DENND6A: variants seen among roughly 807,000 people sequenced by gnomAD.
The protein encoded by DENND6A is DENN domain containing 6A.
In DENND6A, 43 loss-of-function variants were observed where a neutral mutation model predicts 95.5. The ratio of observed to expected loss-of-function variants is 0.45; its 90% CI spans 0.35 to 0.58. The LOEUF (loss-of-function observed/expected upper bound fraction) is 0.58, where lower values mean the gene tolerates loss of function less well. Among genes scored for constraint, DENND6A ranks in the 20% least tolerant of loss-of-function variants. The probability of loss-of-function intolerance (pLI) is 0.00; values close to 1 mark genes in which losing one functional copy is unlikely to be tolerated. For synonymous variants in DENND6A, 257 were observed against 260.4 expected, an observed-to-expected ratio of 0.99 and a Z score of 0.13; for missense variants, 574 against 736.0, an observed-to-expected ratio of 0.78 and a Z score of 2.55.
At chr3:57,668,603 T>TA (rs975006855) in intron 3 of DENND6A, among the ~76,000 whole-genome samples, 2 of 151,988 alleles carry the variant, frequency 1.3e-5, no homozygotes, top group African/African-American at 4.8e-5. Context: ...AACTGAAACC[T>TA]AAAAAACCAA....
At chr3:57,643,735 G>A (rs983521686) in intron 11 of DENND6A, among the ~76,000 whole-genome samples, 23 of 151,272 alleles carry the variant, frequency 1.5e-4, no homozygotes, top group African/African-American at 5.6e-4. Flanking sequence ...GCTGAGGTAG[G>A]AGAATCACTT....
At chr3:57,628,455 CT>C in intron 19 of DENND6A, 110 bp from the exon 20 acceptor site, 1 of 1,391,618 alleles carries the variant, frequency 7.2e-7, no homozygotes, top group Non-Finnish European at 9.5e-7. Context: ...TACTTTCAGT[CT>C]TAGACCAGAA....
chr3:57,631,497 C>T (rs954106019), intron 15 of DENND6A, among the ~76,000 whole-genome samples: 1 of 151,422 alleles, frequency 6.6e-6, no homozygotes. Context: ...CCCAACAACG[C>T]GGTCCATTTT....
At chr3:57,643,889 C>G (rs2071006415) in intron 11 of DENND6A, among the ~76,000 whole-genome samples, 1 of 151,550 alleles carries the variant, frequency 6.6e-6, no homozygotes, top group African/African-American at 2.4e-5. Flanking sequence ...GTGGCTCATG[C>G]CTGTAATCCC....
Position 57,680,661 on chromosome 3 carries a change from A to G in DENND6A, c.238-8223T>C, listed in dbSNP as rs1575865656. ...TAAGACACAATTAATATAACTAATAAGGGTCTAGTATATAAAATACATAAA... is the reference window on the plus strand; with the variant it reads ...TAAGACACAATTAATATAACTAATAGGGGTCTAGTATATAAAATACATAAA... On this transcript the variant is annotated intron_variant, in intron 1 of 19. Transcript: ENST00000311128. Among the ~76,000 whole-genome samples, 4 of 152,362 alleles carry G rather than the reference A, an allele frequency of 2.6e-5. No homozygotes were observed. The East Asian group carries it at 7.7e-4, about 29-fold the overall frequency.
intron 1 of DENND6A, chr3:57,679,564 T>C (rs1204940351): frequency 1.5e-5 from 15 of 985,326 alleles, no homozygotes; most frequent in Non-Finnish European, 1.7e-5. Flanking sequence ...GGATGGAAAG[T>C]ACAGTACTGG....
At chr3:57,663,756 C>T (rs1559822287) in intron 4 of DENND6A, 40 bp from the exon 5 acceptor site, 15 of 1,249,610 alleles carry the variant, frequency 1.2e-5, no homozygotes, top group African/African-American at 1.5e-5. Flanking sequence ...TGGGGGGGTA[C>T]ATATATATGT....
chr3:57,666,094 G>T, intron 4 of DENND6A, 29 bp downstream of exon 4: 1 of 1,572,978 alleles, frequency 6.4e-7, no homozygotes, highest in Non-Finnish European at 8.7e-7. Context: ...CCTCTCACAT[G>T]GACATTTTCC....
Position 57,633,363 on chromosome 3 carries a change from A to G in DENND6A, c.1264-9T>C, listed in dbSNP as rs370498280. On this transcript the variant is annotated splice_polypyrimidine_tract_variant and intron_variant, in intron 14 of 19. Coordinates refer to ENST00000311128, the MANE Select transcript of DENND6A (RefSeq NM_152678.3). The stretch of plus-strand genomic sequence containing the variant: ...CGTTTCTGTTGTACACCCTTAAAAG[A>G]GGAAATAATGAGAATCTGTATTCTA... 9 of 1,602,044 alleles carry G rather than the reference A, an allele frequency of 5.6e-6. No homozygotes were observed. Among genetic ancestry groups the G allele is most frequent in the Non-Finnish European group, 7.7e-6 (9 of 1,172,070 alleles).
intron 3 of DENND6A, among the ~76,000 whole-genome samples, chr3:57,671,689 T>C (rs2071620798): frequency 6.6e-6 from 1 of 152,178 alleles, no homozygotes; most frequent in African/African-American, 2.4e-5. Flanking sequence ...CTGAAGGATG[T>C]CAACGATTAG....
chr3:57,661,697 C>A, intron 5 of DENND6A, 146 bp from the exon 6 acceptor site: 2 of 615,910 alleles, frequency 3.2e-6, no homozygotes, highest in Non-Finnish European at 5.4e-6. Context: ...GGAAACAAAA[C>A]CATAGCTGCA....
intron 11 of DENND6A, among the ~76,000 whole-genome samples, chr3:57,644,683 AGGGAAGGGAG>A (rs1559810877): frequency 2.0e-5 from 2 of 100,170 alleles, no homozygotes; most frequent in Admixed American, 2.2e-4. Context: ...CCTGGGCAAC[AGGGAAGGGAG>A]GGGAGGGGAG....
At chr3:57,641,590 A>C (rs933753256) in intron 12 of DENND6A, 63 bp downstream of exon 12, 18 of 1,377,774 alleles carry the variant, frequency 1.3e-5, no homozygotes, top group African/African-American at 1.2e-4. Context: ...TCAAGGATGA[A>C]AAGAAAGAAA....
intron 3 of DENND6A, among the ~76,000 whole-genome samples, chr3:57,671,147 T>C (rs1259377528): frequency 6.6e-6 from 1 of 152,156 alleles, no homozygotes; most frequent in East Asian, 1.9e-4. Flanking sequence ...GAAGCATTTA[T>C]ACAGAAAGGA....
intron 5 of DENND6A, among the ~76,000 whole-genome samples, chr3:57,663,302 T>C (rs1477718448): frequency 6.7e-6 from 1 of 150,292 alleles, no homozygotes; most frequent in Non-Finnish European, 1.5e-5. Context: ...CCGTCTCTAC[T>C]AAAAATACAA....
chr3:57,682,281 CAAAAAAAAAAA>C (rs10618015), intron 1 of DENND6A, among the ~76,000 whole-genome samples: 8 of 53,564 alleles, frequency 1.5e-4, no homozygotes, highest in African/African-American at 6.6e-4. Context: ...GACTCCGTCT[CAAAAAAAAAAA>C]AAAAAAAAAA....
intron 1 of DENND6A, among the ~76,000 whole-genome samples, chr3:57,674,677 G>C (rs1202593639): frequency 6.6e-6 from 1 of 152,024 alleles, no homozygotes; most frequent in Non-Finnish European, 1.5e-5. Context: ...TAAATAACTA[G>C]TTCTGCAGCA....
chr3:57,669,952 G>A (rs544706154), intron 3 of DENND6A, among the ~76,000 whole-genome samples: 32 of 149,454 alleles, frequency 2.1e-4, no homozygotes, highest in African/African-American at 5.7e-4. Flanking sequence ...ACTGGGAGGC[G>A]GAGGTTGCAG....
chr3:57,663,812 G>T (rs1336862373), intron 4 of DENND6A, 96 bp from the exon 5 acceptor site: 3 of 665,078 alleles, frequency 4.5e-6, no homozygotes, highest in South Asian at 7.5e-5. Context: ...TTAACATCAG[G>T]CTCCTTTATA....
Sources: allele counts gnomAD v4.1 joint callset (sites outside exome capture counted in the v4.1 genomes callset), GRCh38; gene constraint gnomAD v4.1.1; transcripts MANE v1.5; gene names NCBI Gene and HGNC (gene_info 2026-07-23, HGNC 2026-07-21).